The following TSHZ3 variants were observed in gnomAD, a reference collection of about 807,000 sequenced individuals.
TSHZ3 encodes teashirt zinc finger homeobox 3, also known as teashirt homolog 3.
A neutral mutation model predicts 64.5 loss-of-function variants in TSHZ3; 10 were observed. That is an observed-to-expected ratio of 0.16 (90% confidence interval 0.10 to 0.26). The LOEUF (loss-of-function observed/expected upper bound fraction) is 0.26. Among genes scored for constraint, TSHZ3 ranks in the 10% least tolerant of loss-of-function variants. The pLI is 1.00. For synonymous variants in TSHZ3, 608 were observed against 593.1 expected (o/e 1.03, Z -0.36); for missense variants, 1,242 against 1,421.7 (o/e 0.87, Z 2.03).
chr19:31,207,848 G>A (rs1387953809), intron 4 of TSHZ3, among the ~76,000 whole-genome samples: 1 of 152,182 alleles, frequency 6.6e-6, no homozygotes, highest in African/African-American at 2.4e-5. Flanking sequence ...CCCTTTGAAT[G>A]ATACCTGATT....
intron 4 of TSHZ3, among the ~76,000 whole-genome samples, chr19:31,208,038 G>A (rs774927734): frequency 1.3e-5 from 2 of 152,142 alleles, no homozygotes; most frequent in African/African-American, 2.4e-5. Flanking sequence ...TGTCCTGCTC[G>A]TGGCAACACC....
chr19:31,246,691 G>A (rs1248832227), intron 1 of TSHZ3, among the ~76,000 whole-genome samples: 1 of 152,178 alleles, frequency 6.6e-6, no homozygotes, highest in African/African-American at 2.4e-5. Context: ...CATACGCACA[G>A]AGGACCTGGA....
chr19:31,276,577 A>C lies in TSHZ3; in HGVS notation c.3216T>G (p.Leu1072=). The C allele has an allele frequency of 6.3e-7, 1 of 1,579,810 alleles. No homozygotes were observed. The highest frequency in any genetic ancestry group is 8.6e-7 in the Non-Finnish European group (1 of 1,158,630). ...GCTTCTCTAACTCAGAGACATACAG[A>C]AGGTGGTCTTCCGGAGATTTCCCGT... ...KTHGKSPEDH[L]LYVSELEKQ is the part of the protein sequence containing the mutation. Residue 1072 remains leucine (L), a synonymous_variant, in exon 2 of 2, where the codon CTT becomes CTG. Transcript: ENST00000240587.
intron 1 of TSHZ3, among the ~76,000 whole-genome samples, chr19:31,304,788 T>C (rs1976811890): frequency 1.3e-5 from 2 of 152,246 alleles, no homozygotes; most frequent in South Asian, 4.1e-4. Context: ...CAGTTAATTA[T>C]GATGGGAGTC....
At chr19:31,331,051 G>A (rs914827420) in intron 1 of TSHZ3, among the ~76,000 whole-genome samples, 2 of 152,074 alleles carry the variant, frequency 1.3e-5, no homozygotes, top group Non-Finnish European at 2.9e-5. Context: ...CCAACCCAAC[G>A]GCAGAGTTAT....
At chr19:31,321,416 C>G (rs1172820703) in intron 1 of TSHZ3, among the ~76,000 whole-genome samples, 1 of 152,246 alleles carries the variant, frequency 6.6e-6, no homozygotes, top group Admixed American at 6.5e-5. Context: ...TGAAGCACTC[C>G]AGAGACCGTT....
intron 4 of TSHZ3, among the ~76,000 whole-genome samples, chr19:31,226,232 T>C (rs912413035): frequency 6.6e-6 from 1 of 152,024 alleles, no homozygotes; most frequent in Non-Finnish European, 1.5e-5. Context: ...CTTCTTCCCA[T>C]ACCATTTGAT....
chr19:31,169,703 G>T (rs186006405), intron 5 of TSHZ3, among the ~76,000 whole-genome samples: 2 of 152,128 alleles, frequency 1.3e-5, no homozygotes, highest in Non-Finnish European at 2.9e-5. Context: ...AGTCTGTGCC[G>T]CAGCAACACC....
chr19:31,170,642 C>T (rs967783823), intron 5 of TSHZ3, among the ~76,000 whole-genome samples: 1 of 152,202 alleles, frequency 6.6e-6, no homozygotes, highest in African/African-American at 2.4e-5. Flanking sequence ...AGCTAGACTG[C>T]AAGCATCAGT....
intron 1 of TSHZ3, among the ~76,000 whole-genome samples, chr19:31,332,796 CA>C (rs1353699165): frequency 6.6e-6 from 1 of 151,840 alleles, no homozygotes; most frequent in Non-Finnish European, 1.5e-5. Flanking sequence ...AGGCAAAAAA[CA>C]AAAACAAAAC....
rs1360962853 is a variant in TSHZ3, at chr19:31,174,276, T to C, written n.810-17859A>G. Among the ~76,000 whole-genome samples, 4 of 152,064 alleles carry C rather than the reference T, an allele frequency of 2.6e-5. No homozygotes were observed. The South Asian group carries it at 8.3e-4, about 32-fold the overall frequency. On this transcript the variant is annotated intron_variant and non_coding_transcript_variant, in intron 5 of 6. Coordinates refer to the TSHZ3 transcript ENST00000651361. The stretch of plus-strand genomic sequence containing the variant: ...GCTCGAGACCCAAGAAGAGCAGATG[T>C]TTGAGCTCAAGTCCAAAGACAGGAA...
intron 1 of TSHZ3, among the ~76,000 whole-genome samples, chr19:31,263,465 GGAGCTGC>G (rs1300967635): frequency 6.6e-6 from 1 of 152,234 alleles, no homozygotes; most frequent in Non-Finnish European, 1.5e-5. Flanking sequence ...GCGAGCACGA[GGAGCTGC>G]GAAGGCATGA....
Position 31,349,334 on chromosome 19 carries a change from C to T in TSHZ3, c.-115G>A, listed in dbSNP as rs2021627225. 1.9e-6 allele frequency: 2 copies of T among 1,040,164 alleles called. No individual in the cohort carries two copies. The highest frequency in any genetic ancestry group is 4.5e-5 in the South Asian group (2 of 44,572). The allele number at this position is 1,040,164 out of a possible 1,614,324, so 64.4% of individuals were successfully genotyped here. On this transcript the variant is annotated 5_prime_UTR_variant, in exon 1 of 2. Transcript: ENST00000240587. ...CGAGGCGGGCCTGCTCTCAGCCTCC[C>T]CCCCGGAGAGCGGCCGCCCGCAGGA...
intron 1 of TSHZ3, among the ~76,000 whole-genome samples, chr19:31,257,533 C>T (rs1023643215): frequency 6.6e-6 from 1 of 152,216 alleles, no homozygotes; most frequent in Non-Finnish European, 1.5e-5. Flanking sequence ...ACCCCAGGAC[C>T]CCTCTGGAGG....
At chr19:31,172,556 G>A (rs916660118) in intron 5 of TSHZ3, among the ~76,000 whole-genome samples, 5 of 152,158 alleles carry the variant, frequency 3.3e-5, no homozygotes, top group Middle Eastern at 3.2e-3. Context: ...GAGAACACAC[G>A]CCAACAGTGA....
intron 1 of TSHZ3, among the ~76,000 whole-genome samples, chr19:31,291,544 G>T (rs1042369139): frequency 2.0e-5 from 3 of 152,176 alleles, no homozygotes; most frequent in Non-Finnish European, 4.4e-5. Flanking sequence ...AGCTTGCTCT[G>T]CTGCAGTTAG....
exon 7 of TSHZ3, among the ~76,000 whole-genome samples, chr19:31,151,596 G>C (rs901610278): frequency 6.6e-6 from 1 of 152,150 alleles, no homozygotes; most frequent in African/African-American, 2.4e-5. Flanking sequence ...GAGAACAAAG[G>C]CTCAAGTCTG....
intron 5 of TSHZ3, among the ~76,000 whole-genome samples, chr19:31,185,222 G>C (rs1599568154): frequency 6.6e-6 from 1 of 152,136 alleles, no homozygotes; most frequent in African/African-American, 2.4e-5. Flanking sequence ...AGACTCCTTT[G>C]GGCTATCCTG....
At chr19:31,151,815 T>A (rs1051653369) in intron 6 of TSHZ3, among the ~76,000 whole-genome samples, 1 of 152,212 alleles carries the variant, frequency 6.6e-6, no homozygotes, top group East Asian at 1.9e-4. Context: ...GCGTTATCAA[T>A]GGCCTGGAGC....
Sources: gnomAD v4.1 joint callset for allele counts (sites outside exome capture counted in the v4.1 genomes callset) on GRCh38, gnomAD v4.1.1 for gene constraint, MANE v1.5 for transcripts, NCBI Gene and HGNC (gene_info 2026-07-23, HGNC 2026-07-21) for gene names.